The following SORL1 variants were observed in gnomAD, a reference collection of about 807,000 sequenced individuals.
SORL1 encodes sortilin related receptor 1.
Under a neutral mutation model 273.7 loss-of-function variants are expected in SORL1, and 127 were observed. That is an observed-to-expected ratio of 0.46 (90% CI 0.40 to 0.54). SORL1 has a LOEUF of 0.54. Among genes scored for constraint, SORL1 ranks in the 20% least tolerant of loss-of-function variants. SORL1 has a pLI of 0.00. For missense variants in SORL1, 2,494 were observed against 2,846.1 expected (o/e 0.88, Z 2.81); for synonymous variants, 1,031 against 1,067.4 (o/e 0.97, Z 0.66).
chr11:121,467,035 T>TC (rs1274933718), intron 1 of SORL1, among the ~76,000 whole-genome samples: 1 of 146,010 alleles, frequency 6.8e-6, no homozygotes, highest in African/African-American at 2.6e-5. Context: ...TTTTTCTTTT[T>TC]TTTTTTTTTT....
At chr11:121,613,490 G>C (rs934678353) in intron 40 of SORL1, among the ~76,000 whole-genome samples, 1 of 152,000 alleles carries the variant, frequency 6.6e-6, no homozygotes, top group Non-Finnish European at 1.5e-5. Context: ...TGTTTTTATT[G>C]AGTCCTTGTC....
At chr11:121,557,432 G>C (rs369490627) in intron 19 of SORL1, 27 bp downstream of exon 19, 4 of 1,527,774 alleles carry the variant, frequency 2.6e-6, no homozygotes, top group Non-Finnish European at 3.6e-6. Flanking sequence ...AAGGAAATCA[G>C]TCTTGCGTCC....
chr11:121,470,100 T>C lies in SORL1; in HGVS notation c.379T>C (p.Leu127=). 6.2e-7 allele frequency: 1 copy of C among 1,613,656 alleles called. No homozygotes were observed. Among genetic ancestry groups the C allele is most frequent in the Non-Finnish European group, 8.5e-7 (1 of 1,179,520 alleles). Residue 127 remains leucine (L), a synonymous_variant, in exon 2 of 48, where the codon TTG becomes CTG. Transcript: ENST00000260197. ...GGCCTTGGCCCGAGATAGCCTGGCA[T>C]TGGCGAGGCCCAAGAGCAGTGATGT... ...IVALARDSLA[L]ARPKSSDVYV...
chr11:121,574,232 C>T lies in SORL1; in HGVS notation c.3338-9C>T, dbSNP rs996292250. 5 of 1,613,306 alleles carry T rather than the reference C, an allele frequency of 3.1e-6. No individual in the cohort carries two copies. Among genetic ancestry groups the T allele is most frequent in the Middle Eastern group, 1.7e-4 (1 of 6,052 alleles). On this transcript the variant is annotated splice_polypyrimidine_tract_variant and intron_variant, in intron 23 of 47. Transcript: ENST00000260197. ...CTAAGGAATATGTTGTCTTTCTATC[C>T]CATTTTAGCTACCACCATCTGTGAC...
intron 19 of SORL1, 122 bp from the exon 20 acceptor site, chr11:121,558,468 TA>T: frequency 1.0e-6 from 1 of 990,296 alleles, no homozygotes; most frequent in Non-Finnish European, 1.5e-6. Flanking sequence ...CATATTGTTA[TA>T]ATAATGCTGA....
At chr11:121,470,239 A>G (rs1356590704) in intron 2 of SORL1, 116 bp downstream of exon 2, 10 of 753,344 alleles carry the variant, frequency 1.3e-5, no homozygotes, top group Non-Finnish European at 2.4e-5. Context: ...GAATGGATGA[A>G]TTGTATGACA....
intron 3 of SORL1, among the ~76,000 whole-genome samples, chr11:121,481,446 T>C (rs1175819667): frequency 4.2e-5 from 5 of 118,586 alleles, no homozygotes; most frequent in Non-Finnish European, 8.8e-5. Context: ...CAGATACCTA[T>C]AGGCAGGCTT....
At chr11:121,477,463 T>C (rs1003945502) in intron 2 of SORL1, among the ~76,000 whole-genome samples, 9 of 152,220 alleles carry the variant, frequency 5.9e-5, no homozygotes, top group African/African-American at 2.2e-4. Context: ...CTGGATGTAA[T>C]TTGTTAAACA....
chr11:121,557,083 A>G, intron 18 of SORL1: 3 of 548,052 alleles, frequency 5.5e-6, no homozygotes, highest in Middle Eastern at 4.9e-4. Context: ...TGGGGCTTAC[A>G]TGGTTCTAGC....
chr11:121,566,716 C>T (rs1862759438), intron 21 of SORL1: 1 of 474,114 alleles, frequency 2.1e-6, no homozygotes, highest in East Asian at 3.5e-5. Flanking sequence ...CCTGGCTTGG[C>T]TCTGGGGCAG....
chr11:121,522,771 G>C, intron 10 of SORL1, 68 bp downstream of exon 10: 1 of 1,397,978 alleles, frequency 7.2e-7, no homozygotes, highest in Non-Finnish European at 1.0e-6. Flanking sequence ...AATGCAGAGC[G>C]ATCACCCACA....
intron 38 of SORL1, chr11:121,609,876 A>T (rs1283185999): frequency 6.6e-6 from 1 of 152,190 alleles, no homozygotes; most frequent in Admixed American, 6.5e-5. Flanking sequence ...AAGTATCCTT[A>T]TCCTCATTGT....
intron 5 of SORL1, among the ~76,000 whole-genome samples, chr11:121,494,228 A>G (rs1345000076): frequency 6.6e-6 from 1 of 152,056 alleles, no homozygotes; most frequent in Non-Finnish European, 1.5e-5. Flanking sequence ...GGGAGAAAGG[A>G]CTGGTTTATC....
intron 11 of SORL1, among the ~76,000 whole-genome samples, chr11:121,524,140 A>C (rs1862084468): frequency 6.6e-6 from 1 of 152,162 alleles, no homozygotes; most frequent in Non-Finnish European, 1.5e-5. Context: ...TTGAATGGAA[A>C]TTTTCGGGTT....
Position 121,625,084 on chromosome 11 carries a change from G to T in SORL1, c.6172-1G>T. 1 of 1,604,594 alleles carries T rather than the reference G, an allele frequency of 6.2e-7. No homozygotes were observed. The highest frequency in any genetic ancestry group is 8.5e-7 in the Non-Finnish European group (1 of 1,173,152). ...GAGCAATCTCTTGTGTTTGTTTTCA[G>T]GGCTATGAGATACACATGTTTGATA... On this transcript the variant is annotated splice_acceptor_variant, in intron 45 of 47. Coordinates refer to ENST00000260197, the MANE Select transcript of SORL1 (RefSeq NM_003105.6). LOFTEE classifies it high-confidence loss of function.
At chr11:121,576,979 T>C in intron 24 of SORL1, 1 of 1,484,996 alleles carries the variant, frequency 6.7e-7, no homozygotes, top group East Asian at 2.5e-5. Context: ...ATAGCAAGCA[T>C]AGAAAATAAT....
At chr11:121,585,863 T>C (rs1863096291) in intron 26 of SORL1, among the ~76,000 whole-genome samples, 1 of 152,220 alleles carries the variant, frequency 6.6e-6, no homozygotes, top group Non-Finnish European at 1.5e-5. Context: ...AGTAATTTAT[T>C]AAACAGTCTG....
Position 121,594,203 on chromosome 11 carries a change from A to G in SORL1, c.4370-1420A>G, listed in dbSNP as rs191967502. On this transcript the variant is annotated intron_variant, in intron 31 of 47. Transcript: ENST00000260197. Reference sequence around the variant, plus strand: ...GGCACCAGTGTTTTAAAATTTCACAATGATGTGCTTTGCTCTGAGACCCTT... The same window carrying G: ...GGCACCAGTGTTTTAAAATTTCACAGTGATGTGCTTTGCTCTGAGACCCTT... Among the ~76,000 whole-genome samples, 101 of 152,212 alleles carry G rather than the reference A, an allele frequency of 6.6e-4. 1 individual carries two copies. Among genetic ancestry groups the G allele is most frequent in the South Asian group, 5.8e-3 (28 of 4,830 alleles).
intron 31 of SORL1, among the ~76,000 whole-genome samples, chr11:121,594,248 A>C (rs1220485672): frequency 3.3e-5 from 5 of 152,072 alleles, no homozygotes; most frequent in African/African-American, 1.2e-4. Context: ...CATAGCGGAC[A>C]CTTGCATGCT....
Sources: gnomAD v4.1 joint callset for allele counts (sites outside exome capture counted in the v4.1 genomes callset) on GRCh38, gnomAD v4.1.1 for gene constraint, MANE v1.5 for transcripts, NCBI Gene and HGNC (gene_info 2026-07-23, HGNC 2026-07-21) for gene names.